Variants in LDLRAD4 observed in about 807,000 individuals in gnomAD.
LDLRAD4 encodes the protein low density lipoprotein receptor class A domain containing 4.
A neutral mutation model predicts 17.0 loss-of-function variants in LDLRAD4; 5 were observed. The observed-to-expected ratio is 0.29, with a 90% CI of 0.15 to 0.62. LDLRAD4 has a LOEUF of 0.62. Among genes scored for constraint, LDLRAD4 ranks in the 20% least tolerant of loss-of-function variants. The pLI, the probability that LDLRAD4 is intolerant of heterozygous loss-of-function variation, is 0.84. For missense variants in LDLRAD4, 340 were observed against 424.7 expected (o/e 0.80, Z 1.75); for synonymous variants, 168 against 171.8 (o/e 0.98, Z 0.17).
At chr18:13,501,362 A>C (rs2147287294) in intron 3 of LDLRAD4, 1 of 152,296 alleles carries the variant, frequency 6.6e-6, no homozygotes, top group African/African-American at 2.4e-5. Flanking sequence ...CATTAAACCT[A>C]GACATTACCT....
intron 4 of LDLRAD4, among the ~76,000 whole-genome samples, chr18:13,623,726 C>G (rs1000395768): frequency 6.6e-6 from 1 of 152,200 alleles, no homozygotes; most frequent in African/African-American, 2.4e-5. Flanking sequence ...CTCCTGGACA[C>G]AGACTCAGGC....
intron 1 of LDLRAD4, among the ~76,000 whole-genome samples, chr18:13,332,246 T>A (rs866185016): frequency 2.6e-5 from 4 of 152,220 alleles, no homozygotes; most frequent in African/African-American, 9.7e-5. Context: ...TTGAATTTTT[T>A]AAAAGTATTT....
At chr18:13,612,082 T>C (rs1229114978) in intron 3 of LDLRAD4, 1 of 985,452 alleles carries the variant, frequency 1.0e-6, no homozygotes, top group Non-Finnish European at 1.2e-6. Context: ...CCCTCTCCGG[T>C]CCTTCCACAC....
intron 3 of LDLRAD4, among the ~76,000 whole-genome samples, chr18:13,607,661 G>A (rs1293975120): frequency 6.7e-6 from 1 of 150,092 alleles, no homozygotes; most frequent in Non-Finnish European, 1.5e-5. Flanking sequence ...TGTTCTCATT[G>A]TTCAACTCCC....
chr18:13,631,725 C>T (rs1055428637), intron 4 of LDLRAD4, among the ~76,000 whole-genome samples: 1 of 152,028 alleles, frequency 6.6e-6, no homozygotes, highest in Non-Finnish European at 1.5e-5. Context: ...GTCAGGAGTT[C>T]GAGACCAGCC....
At chr18:13,231,723 AT>A (rs2042087793) in intron 1 of LDLRAD4, among the ~76,000 whole-genome samples, 1 of 152,254 alleles carries the variant, frequency 6.6e-6, no homozygotes. Context: ...ACGTGTAACT[AT>A]TTAAAGCTTT....
At chr18:13,227,093 C>G (rs2041851149) in intron 1 of LDLRAD4, among the ~76,000 whole-genome samples, 1 of 152,184 alleles carries the variant, frequency 6.6e-6, no homozygotes, top group East Asian at 1.9e-4. Context: ...AATTCATGAT[C>G]CTCCATACTC....
intron 4 of LDLRAD4, chr18:13,641,882 C>G (rs1489319974): frequency 3.0e-6 from 3 of 985,396 alleles, no homozygotes; most frequent in South Asian, 4.7e-5. Flanking sequence ...CCGCTCAGCC[C>G]CTCTGAGTGC....
rs561044385 is a variant in LDLRAD4 at position 13,300,339 on chromosome 18, A to T, written c.-383+22151A>T. ...CCACAAGGCCACCTCACCAGGCAGA[A>T]CAGATGGCAGTGGTGAGGGCTGGAG... On this transcript the variant is annotated intron_variant, in intron 1 of 5. Coordinates refer to ENST00000359446, the Ensembl canonical transcript of LDLRAD4. This position sits in a 1 kb window ranked among gnomAD's most constrained non-coding sequence, Gnocchi z 4.2. Among the ~76,000 whole-genome samples the T allele has an allele frequency of 6.6e-5, 10 of 152,356 alleles. No homozygotes were observed. The highest frequency in any genetic ancestry group is 6.5e-4 in the Admixed American group (10 of 15,310).
rs889692923 is a variant in LDLRAD4 at position 13,417,577 on chromosome 18, C to T, written c.41-20667C>T. The stretch of plus-strand genomic sequence containing the variant: ...CCTTCCAAGTAGCTGGGACTACAGG[C>T]GCCCGCCACCACACCTGGCTAATTT... On this transcript the variant is annotated intron_variant, in intron 2 of 5. Transcript: ENST00000359446. Among the ~76,000 whole-genome samples, 10 of 152,144 alleles carry T rather than the reference C, an allele frequency of 6.6e-5. No individual in the cohort carries two copies. In the South Asian group the frequency reaches 8.3e-4, roughly 13 times the overall value.
At chr18:13,302,636 T>C (rs1481303809) in intron 1 of LDLRAD4, among the ~76,000 whole-genome samples, 1 of 152,154 alleles carries the variant, frequency 6.6e-6, no homozygotes, top group Non-Finnish European at 1.5e-5. Context: ...GGAAGGGGAA[T>C]GTATGCCCTG....
At chr18:13,536,650 A>G (rs1032838980) in intron 3 of LDLRAD4, among the ~76,000 whole-genome samples, 1 of 151,710 alleles carries the variant, frequency 6.6e-6, no homozygotes, top group Non-Finnish European at 1.5e-5. Context: ...AACCTTCAGT[A>G]CAAACTTGAA....
intron 3 of LDLRAD4, among the ~76,000 whole-genome samples, chr18:13,449,874 G>C (rs2091683327): frequency 6.6e-6 from 1 of 152,160 alleles, no homozygotes; most frequent in Non-Finnish European, 1.5e-5. Flanking sequence ...GGCAGGTGGT[G>C]GGTTCAGGCC....
At chr18:13,369,410 G>A (rs888213652) in intron 1 of LDLRAD4, among the ~76,000 whole-genome samples, 1 of 152,158 alleles carries the variant, frequency 6.6e-6, no homozygotes, top group African/African-American at 2.4e-5. Flanking sequence ...GTTGGCCTCA[G>A]TGGGCTGTTG....
At position 13,544,462 on chromosome 18, in the gene LDLRAD4, G is replaced by C. The variant is rs190244584; in HGVS notation, c.182-76655G>C. The stretch of plus-strand genomic sequence containing the variant: ...AGACCCAGAAAGAAAACAAAGATGG[G>C]TACAAAGATGTGTTTTCAGGAGACA... On this transcript the variant is annotated intron_variant, in intron 3 of 5. Transcript: ENST00000359446. Among the ~76,000 whole-genome samples, 95 of 152,344 alleles carry C rather than the reference G, an allele frequency of 6.2e-4. 3 individuals are homozygous for C. The highest frequency in any genetic ancestry group is 6.2e-3 in the Admixed American group (95 of 15,298).
intron 3 of LDLRAD4, among the ~76,000 whole-genome samples, chr18:13,619,215 G>A (rs1394168640): frequency 6.6e-6 from 1 of 152,176 alleles, no homozygotes; most frequent in African/African-American, 2.4e-5. Flanking sequence ...ACGTCACATG[G>A]TGTGTGGGGG....
chr18:13,400,543 C>T (rs1327950921), intron 2 of LDLRAD4, among the ~76,000 whole-genome samples: 1 of 152,112 alleles, frequency 6.6e-6, no homozygotes, highest in African/African-American at 2.4e-5. Context: ...GCAGCCCTGA[C>T]TCTTAGAAAC....
chr18:13,366,756 G>T (rs1387475089), intron 1 of LDLRAD4, among the ~76,000 whole-genome samples: 1 of 152,166 alleles, frequency 6.6e-6, no homozygotes, highest in Non-Finnish European at 1.5e-5. Context: ...GGGTTCTTCA[G>T]CACCCACCAC....
chr18:13,481,336 T>C (rs1391231031), intron 3 of LDLRAD4, among the ~76,000 whole-genome samples: 1 of 152,220 alleles, frequency 6.6e-6, no homozygotes, highest in Non-Finnish European at 1.5e-5. Context: ...AGCTCTCACC[T>C]TGATGCTCCA....
Sources: gnomAD v4.1 joint callset for allele counts (sites outside exome capture counted in the v4.1 genomes callset) on GRCh38, gnomAD v4.1.1 for gene constraint, Gnocchi (gnomAD v3.1) non-coding constraint, MANE v1.5 for transcripts, NCBI Gene and HGNC (gene_info 2026-07-23, HGNC 2026-07-21) for gene names.